KCNK17: variants seen among roughly 807,000 people sequenced by gnomAD.
The protein encoded by KCNK17 is potassium two pore domain channel subfamily K member 17, also known as potassium channel subfamily K member 17.
Under a neutral mutation model 24.6 loss-of-function variants are expected in KCNK17, and 27 were observed. The ratio of observed to expected loss-of-function variants is 1.10; its 90% confidence interval spans 0.81 to 1.51. The LOEUF is 1.51. KCNK17 is among the 40% of genes most tolerant of loss of function. The probability of loss-of-function intolerance (pLI) is 0.00; values close to 1 mark genes in which losing one functional copy is unlikely to be tolerated. For synonymous variants in KCNK17, 181 were observed against 189.8 expected (o/e 0.95, Z 0.38); for missense variants, 450 against 436.6 (o/e 1.03, Z -0.27).
At chr6:39,310,529 G>A (rs1762115326) in intron 2 of KCNK17, among the ~76,000 whole-genome samples, 1 of 152,162 alleles carries the variant, frequency 6.6e-6, no homozygotes, top group Non-Finnish European at 1.5e-5. Flanking sequence ...GGGGCTCAGT[G>A]TTGGGTGGGC....
In KCNK17 at chr6:39,302,802, A is replaced by G. The variant is rs556697756; in HGVS notation, c.688+1155T>C. ...GAAATCTTCCCAAGAATTTCCTTCCAGAGCAACAGACCTCCCAGGATGAGG... is the reference window on the plus strand; with the variant it reads ...GAAATCTTCCCAAGAATTTCCTTCCGGAGCAACAGACCTCCCAGGATGAGG... On this transcript the variant is annotated intron_variant, in intron 4 of 4. Coordinates refer to ENST00000373231, the MANE Select transcript of KCNK17 (RefSeq NM_031460.4). Among the ~76,000 whole-genome samples the G allele has an allele frequency of 2.2e-3, 330 of 152,322 alleles. 1 individual carries two copies. The highest frequency in any genetic ancestry group is 7.7e-3 in the African/African-American group (320 of 41,562).
chr6:39,314,348 G>A lies in KCNK17; in HGVS notation c.-28C>T. On this transcript the variant is annotated 5_prime_UTR_variant, in exon 1 of 5. Coordinates refer to ENST00000373231, the MANE Select transcript of KCNK17 (RefSeq NM_031460.4). Reference sequence around the variant, plus strand: ...CGGGAGAGGCGGGGAGCCGGCGCCGGGAGCGGTGGACTAGGACCCGGTGGG... The same window carrying A: ...CGGGAGAGGCGGGGAGCCGGCGCCGAGAGCGGTGGACTAGGACCCGGTGGG... 2.9e-6 allele frequency: 4 copies of A among 1,376,152 alleles called. No homozygotes were observed. In the South Asian group the frequency reaches 4.9e-5, roughly 17 times the overall value. 85.2% of individuals were successfully genotyped at this position (1,376,152 alleles called of 1,614,324 possible). A position where few individuals can be genotyped will look rare whatever the true frequency, so the allele number is the denominator to read the frequency against.
chr6:39,313,469 CG>C (rs1052816701), intron 1 of KCNK17, among the ~76,000 whole-genome samples: 2 of 152,178 alleles, frequency 1.3e-5, no homozygotes, highest in Non-Finnish European at 2.9e-5. Flanking sequence ...AGGGTGGCCC[CG>C]ACCAGCACGC....
At position 39,303,999 on chromosome 6, in the gene KCNK17, A is replaced by G. The variant is rs1761989162; in HGVS notation, c.646T>C (p.Phe216Leu). The G allele has an allele frequency of 1.9e-6, 3 of 1,613,810 alleles. No homozygotes were observed. The African/African-American group carries it at 4.0e-5, about 22-fold the overall frequency. Residue 216 changes from phenylalanine to leucine, a missense_variant, in exon 4 of 5, where the codon TTC becomes CTC. Coordinates refer to ENST00000373231, the MANE Select transcript of KCNK17 (RefSeq NM_031460.4). ...AAGCCCACGGTGCTGAGGGTGATGA[A>G]GGCGAAGTAGAAGCCCTCTGTGTAG... ...WSYTEGFYFAFITLSTVGFGD... is the reference protein window; with the variant it reads ...WSYTEGFYFALITLSTVGFGD...
intron 2 of KCNK17, among the ~76,000 whole-genome samples, chr6:39,305,330 T>C (rs1762016365): frequency 6.6e-6 from 1 of 152,242 alleles, no homozygotes; most frequent in Non-Finnish European, 1.5e-5. Context: ...CCTTCTCTTT[T>C]ATCCTTCAAA....
At chr6:39,308,251 T>C (rs1205922195) in intron 2 of KCNK17, among the ~76,000 whole-genome samples, 2 of 152,222 alleles carry the variant, frequency 1.3e-5, no homozygotes, top group African/African-American at 2.4e-5. Flanking sequence ...TAGGTACATA[T>C]GTATGTGTAC....
intron 1 of KCNK17, among the ~76,000 whole-genome samples, chr6:39,312,685 C>T (rs994799868): frequency 3.3e-5 from 5 of 152,198 alleles, no homozygotes; most frequent in Non-Finnish European, 7.3e-5. Flanking sequence ...GCTTGGCACA[C>T]GATAAGTGCT....
At chr6:39,304,814 C>T (rs534262711) in intron 2 of KCNK17, among the ~76,000 whole-genome samples, 159 bp from the exon 3 acceptor site, 96 of 152,360 alleles carry the variant, frequency 6.3e-4, no homozygotes, top group African/African-American at 1.9e-3. Context: ...CTGTGCTGGG[C>T]ACTGTGCAGG....
rs148750207 is a variant in KCNK17 at position 39,301,606 on chromosome 6, C to T, written c.689-1869G>A. On this transcript the variant is annotated intron_variant, in intron 4 of 4. Coordinates refer to ENST00000373231, the MANE Select transcript of KCNK17 (RefSeq NM_031460.4). ...GCTCCTGGTGACAGAGGGGAGGAGG[C>T]GCTCTTCTCCGTTTTTATTTCATTT... 8.4e-4 allele frequency among the ~76,000 whole-genome samples: 128 copies of T among 152,356 alleles called. 4 individuals are homozygous for T. In the East Asian group the frequency reaches 0.022, roughly 27 times the overall value.
intron 1 of KCNK17, 58 bp from the exon 2 acceptor site, chr6:39,311,065 C>A (rs1464304832): frequency 3.8e-6 from 3 of 787,672 alleles, no homozygotes; most frequent in Admixed American, 2.0e-5. Flanking sequence ...TTCCTGTACC[C>A]CAAGATGCAC....
At chr6:39,301,307 T>C (rs1400558380) in intron 4 of KCNK17, among the ~76,000 whole-genome samples, 1 of 152,254 alleles carries the variant, frequency 6.6e-6, no homozygotes, top group Non-Finnish European at 1.5e-5. Flanking sequence ...CATCCTTTTC[T>C]GTCTTTGCTC....
chr6:39,310,053 A>C (rs1160342401), intron 2 of KCNK17, among the ~76,000 whole-genome samples: 3 of 152,132 alleles, frequency 2.0e-5, no homozygotes, highest in Non-Finnish European at 4.4e-5. Flanking sequence ...GGTGTCCTGG[A>C]GAGAGGATCC....
chr6:39,314,142 C>T lies in KCNK17; in HGVS notation c.179G>A (p.Trp60Ter), dbSNP rs781115980. ...ACACGTGAAGTTCTGCAACAGCTCC[C>T]ACTTGTCGCGCTGGAAGCTGCGGCT... is the stretch of plus-strand genomic sequence containing the variant. ...DSSRSFQRDK[W>*]ELLQNFTCLD... The change falls in exon 1 of 5, where the codon TGG (tryptophan) becomes TAG (stop). Residue 60 changes from tryptophan to a stop codon, truncating the protein, a stop_gained. Transcript: ENST00000373231. LOFTEE classifies it high-confidence loss of function. 34 of 1,590,706 alleles carry T rather than the reference C, an allele frequency of 2.1e-5. 1 individual carries two copies. The South Asian group carries it at 2.8e-4, about 13-fold the overall frequency.
In KCNK17 at chr6:39,299,001, T is replaced by C. The variant is rs1244681243; in HGVS notation, c.*426A>G. On this transcript the variant is annotated 3_prime_UTR_variant, in exon 5 of 5. Coordinates refer to ENST00000373231, the MANE Select transcript of KCNK17 (RefSeq NM_031460.4). The stretch of plus-strand genomic sequence containing the variant: ...ATGAATGACAGAAAAACCCAAATAA[T>C]GGTATTTTACATAAGATGTTTATTT... The C allele has an allele frequency of 5.8e-6, 1 of 171,806 alleles. No homozygotes were observed. The highest frequency in any genetic ancestry group is 5.5e-5 in the Admixed American group (1 of 18,280). The allele number at this position is 171,806 out of a possible 1,614,324, so 10.6% of individuals were successfully genotyped here. A position where few individuals can be genotyped will look rare whatever the true frequency, so the allele number is the denominator to read the frequency against.
Position 39,299,393 on chromosome 6 carries a change from C to A in KCNK17, c.*34G>T, listed in dbSNP as rs751530659. ...GCAAAGCTTAAAATCAGGGGTCTTG[C>A]TACCGAGGACGACGACCAAAGAATG... On this transcript the variant is annotated 3_prime_UTR_variant, in exon 5 of 5. Transcript: ENST00000373231. 1 of 1,539,652 alleles carries A rather than the reference C, an allele frequency of 6.5e-7. No individual in the cohort carries two copies. The highest frequency in any genetic ancestry group is 1.8e-5 in the Admixed American group (1 of 56,996).
intron 3 of KCNK17, 78 bp downstream of exon 3, chr6:39,304,417 C>T: frequency 7.6e-7 from 1 of 1,322,748 alleles, no homozygotes; most frequent in Non-Finnish European, 1.1e-6. Flanking sequence ...CACCTCTTGT[C>T]ATTAGTAACC....
Position 39,299,734 on chromosome 6 carries a change from A to G in KCNK17, c.692T>C (p.Met231Thr). ...TVGFGDYVIG[M>T]NPSQRYPLWY... ...CAGTGGGTACCTCTGGGAGGGGTTCATTCCTGGGGAAGAGGCAAGGTCAGA... is the reference window on the plus strand; with the variant it reads ...CAGTGGGTACCTCTGGGAGGGGTTCGTTCCTGGGGAAGAGGCAAGGTCAGA... The change falls in exon 5 of 5, where the codon ATG becomes ACG. Residue 231 changes from methionine to threonine, a missense_variant. Coordinates refer to ENST00000373231, the MANE Select transcript of KCNK17 (RefSeq NM_031460.4). The G allele has an allele frequency of 6.2e-7, 1 of 1,612,238 alleles. No homozygotes were observed. Among genetic ancestry groups the G allele is most frequent in the Non-Finnish European group, 8.5e-7 (1 of 1,178,516 alleles).
At chr6:39,309,349 G>A (rs963752373) in intron 2 of KCNK17, among the ~76,000 whole-genome samples, 3 of 152,176 alleles carry the variant, frequency 2.0e-5, no homozygotes, top group Non-Finnish European at 4.4e-5. Context: ...AAAATAATAA[G>A]ACCTATTCTT....
chr6:39,308,167 G>A (rs148488997), intron 2 of KCNK17, among the ~76,000 whole-genome samples: 5 of 152,280 alleles, frequency 3.3e-5, no homozygotes, highest in Admixed American at 1.3e-4. Flanking sequence ...ACACTAGAAT[G>A]TCAGCTCCCC....
Sources: gnomAD v4.1 joint callset for allele counts (sites outside exome capture counted in the v4.1 genomes callset) on GRCh38, gnomAD v4.1.1 for gene constraint, MANE v1.5 for transcripts, NCBI Gene and HGNC (gene_info 2026-07-23, HGNC 2026-07-21) for gene names.